The following ANO6 variants were observed in gnomAD, a reference collection of about 807,000 sequenced individuals.
ANO6 encodes the protein anoctamin-6.
In ANO6, 106 loss-of-function variants were observed where a neutral mutation model predicts 117.5. The ratio of observed to expected loss-of-function variants is 0.90; its 90% CI spans 0.77 to 1.06. ANO6 has a LOEUF of 1.06. Among genes scored for constraint, ANO6 ranks in the 50% least tolerant of loss-of-function variants. The pLI, the probability that ANO6 is intolerant of heterozygous loss-of-function variation, is 0.00. For missense variants in ANO6, 955 were observed against 1,121.1 expected (o/e 0.85, Z 2.12); for synonymous variants, 367 against 385.1 (o/e 0.95, Z 0.55).
At position 45,324,692 on chromosome 12, in the gene ANO6, CAT is replaced by C. The variant is rs1239597583; in HGVS notation, c.151-6602_151-6601del. 2.0e-4 allele frequency among the ~76,000 whole-genome samples: 30 copies of C among 152,288 alleles called. 1 individual carries two copies. Among genetic ancestry groups the C allele is most frequent in the Middle Eastern group, 3.4e-3 (1 of 294 alleles). On this transcript the variant is annotated intron_variant, in intron 2 of 19. Coordinates refer to ENST00000320560, the MANE Select transcript of ANO6 (RefSeq NM_001025356.3). ...GAAAAACCCTTAGATGACTTTCAAA[CAT>C]GTGTCACTATGGGAGTGACAGATTG... is the stretch of plus-strand genomic sequence containing the variant.
At chr12:45,290,182 T>C (rs1014901618) in intron 1 of ANO6, among the ~76,000 whole-genome samples, 15 of 152,198 alleles carry the variant, frequency 9.9e-5, no homozygotes, top group African/African-American at 3.6e-4. Context: ...TTTTTTTTTT[T>C]TTAATTCTGA....
intron 19 of ANO6, among the ~76,000 whole-genome samples, chr12:45,424,327 GTTT>G (rs66945216): frequency 1.7e-3 from 138 of 81,272 alleles, no homozygotes; most frequent in East Asian, 0.015. Flanking sequence ...TAGGTGATGG[GTTT>G]TTTTTTTTTT....
Position 45,396,916 on chromosome 12 carries a change from TAGGC to T in ANO6, c.1387-4877_1387-4874del, listed in dbSNP as rs1382243897. ...AACCTAGGCAATACCATTCAGGACA[TAGGC>T]ATGGGCAAGGACTTCAACACCAAAG... is the stretch of plus-strand genomic sequence containing the variant. On this transcript the variant is annotated intron_variant, in intron 12 of 19. Transcript: ENST00000320560. 2.6e-5 allele frequency among the ~76,000 whole-genome samples: 4 copies of T among 152,282 alleles called. No homozygotes were observed. The East Asian group carries it at 7.7e-4, about 29-fold the overall frequency.
intron 3 of ANO6, among the ~76,000 whole-genome samples, chr12:45,333,824 A>G (rs1251414881): frequency 6.6e-6 from 1 of 152,058 alleles, no homozygotes; most frequent in Non-Finnish European, 1.5e-5. Context: ...TTGAGGATTT[A>G]GGACAATACC....
chr12:45,291,346 C>CAAAAAAAAAAAAAAAAAAAAA (rs747924513), intron 1 of ANO6, among the ~76,000 whole-genome samples: 1 of 48,240 alleles, frequency 2.1e-5, no homozygotes, highest in African/African-American at 8.2e-5. Flanking sequence ...AACTCCGTCT[C>CAAAAAAAAAAAAAAAAAAAAA]AAAAAAAAAA....
intron 9 of ANO6, among the ~76,000 whole-genome samples, chr12:45,370,422 C>T (rs1463772753): frequency 1.3e-5 from 2 of 152,326 alleles, no homozygotes; most frequent in African/African-American, 4.8e-5. Flanking sequence ...CCATTTTACC[C>T]TCTAGCACTG....
At chr12:45,255,371 C>T (rs1460773382) in intron 1 of ANO6, among the ~76,000 whole-genome samples, 1 of 152,072 alleles carries the variant, frequency 6.6e-6, no homozygotes, top group East Asian at 1.9e-4. Flanking sequence ...GCCATGGTGG[C>T]GTGCACCTGT....
intron 10 of ANO6, chr12:45,383,275 C>G (rs570524980): frequency 6.3e-6 from 1 of 159,018 alleles, no homozygotes; most frequent in East Asian, 1.8e-4. Context: ...GACTCCATTT[C>G]TAGTTCTTCT....
chr12:45,262,839 A>G (rs1390556593), intron 1 of ANO6, among the ~76,000 whole-genome samples: 1 of 152,240 alleles, frequency 6.6e-6, no homozygotes, highest in Non-Finnish European at 1.5e-5. Context: ...TTTCCAGAAG[A>G]CATTCAACAG....
intron 19 of ANO6, among the ~76,000 whole-genome samples, chr12:45,438,833 C>T (rs888075975): frequency 6.6e-6 from 1 of 152,090 alleles, no homozygotes; most frequent in Admixed American, 6.6e-5. Context: ...TCCTGTAAGC[C>T]ATATGCAGGG....
At chr12:45,316,060 C>T (rs1286514344) in intron 2 of ANO6, among the ~76,000 whole-genome samples, 1 of 152,016 alleles carries the variant, frequency 6.6e-6, no homozygotes, top group Non-Finnish European at 1.5e-5. Context: ...TTATTTATTT[C>T]TTCTGTGAGG....
At chr12:45,425,181 A>G (rs865793494) in intron 19 of ANO6, among the ~76,000 whole-genome samples, 3 of 152,202 alleles carry the variant, frequency 2.0e-5, no homozygotes, top group African/African-American at 4.8e-5. Context: ...GGTGAAATGG[A>G]AAAAAACATG....
Position 45,409,479 on chromosome 12 carries a change from T to A in ANO6, c.2003T>A (p.Leu668His). 6.2e-7 allele frequency: 1 copy of A among 1,613,670 alleles called. No homozygotes were observed. The highest frequency in any genetic ancestry group is 8.5e-7 in the Non-Finnish European group (1 of 1,179,822). ...AAACTGGGATTATTTTATGAATATC[T>A]TGAAATGAGTAAGTTGTTAGTGAAG... Reference protein sequence around the residue: ...MGKLGLFYEYLEMIIQFGFVT... With the variant: ...MGKLGLFYEYHEMIIQFGFVT... Residue 668 changes from leucine (L) to histidine (H), a missense_variant, in exon 16 of 20, where the codon CTT (leucine) becomes CAT (histidine). Transcript: ENST00000320560.
chr12:45,426,749 T>C (rs956559461), intron 19 of ANO6, among the ~76,000 whole-genome samples: 1 of 152,132 alleles, frequency 6.6e-6, no homozygotes, highest in African/African-American at 2.4e-5. Context: ...TGCCAGTCAC[T>C]TATTCTCTTA....
intron 1 of ANO6, among the ~76,000 whole-genome samples, chr12:45,229,241 A>G (rs1045939762): frequency 6.6e-6 from 1 of 152,194 alleles, no homozygotes; most frequent in African/African-American, 2.4e-5. Context: ...AAGGGTGTGG[A>G]CAGGCACCCT....
At chr12:45,337,341 A>C (rs1043575451) in intron 3 of ANO6, among the ~76,000 whole-genome samples, 2 of 152,112 alleles carry the variant, frequency 1.3e-5, no homozygotes, top group African/African-American at 4.8e-5. Context: ...CCATGGTGTT[A>C]CAGCTGCCTG....
intron 2 of ANO6, among the ~76,000 whole-genome samples, chr12:45,312,212 G>A (rs998269182): frequency 1.3e-5 from 2 of 151,970 alleles, no homozygotes; most frequent in East Asian, 3.9e-4. Context: ...ATTTACCATG[G>A]AACTCATTTG....
At chr12:45,237,849 C>T (rs937391735) in intron 1 of ANO6, among the ~76,000 whole-genome samples, 2 of 152,160 alleles carry the variant, frequency 1.3e-5, no homozygotes, top group Non-Finnish European at 2.9e-5. Context: ...ATTCTTCCTA[C>T]CCATGAGCAT....
intron 9 of ANO6, among the ~76,000 whole-genome samples, chr12:45,375,808 G>A (rs1941995677): frequency 6.7e-6 from 1 of 150,298 alleles, no homozygotes; most frequent in Non-Finnish European, 1.5e-5. Context: ...AGGACTTCAT[G>A]TCTAAAACAC....
Sources: allele counts gnomAD v4.1 joint callset (sites outside exome capture counted in the v4.1 genomes callset), GRCh38; gene constraint gnomAD v4.1.1; transcripts MANE v1.5; gene names NCBI Gene and HGNC (gene_info 2026-07-23, HGNC 2026-07-21).